CCDC148: variants seen among roughly 807,000 people sequenced by gnomAD.
CCDC148 encodes the protein coiled-coil domain containing 148.
A neutral mutation model predicts 85.7 loss-of-function variants in CCDC148; 89 were observed. That is an observed-to-expected ratio of 1.04 (90% CI 0.87 to 1.24). The LOEUF (loss-of-function observed/expected upper bound fraction) is 1.24. Ranked by LOEUF, CCDC148 falls within the 50% of genes most tolerant of loss-of-function variation. The probability of loss-of-function intolerance (pLI) is 0.00; values close to 1 mark genes in which losing one functional copy is unlikely to be tolerated. For missense variants in CCDC148, 692 were observed against 671.7 expected (o/e 1.03, Z -0.33); for synonymous variants, 230 against 213.9 (o/e 1.08, Z -0.66).
At chr2:158,304,782 G>C (rs1691605024) in intron 9 of CCDC148, among the ~76,000 whole-genome samples, 1 of 152,140 alleles carries the variant, frequency 6.6e-6, no homozygotes, top group South Asian at 2.1e-4. Context: ...GAAATTTAAG[G>C]AAAGACAGAT....
chr2:158,434,706 T>G (rs1687552886), intron 1 of CCDC148, among the ~76,000 whole-genome samples: 1 of 146,354 alleles, frequency 6.8e-6, no homozygotes, highest in African/African-American at 2.5e-5. Flanking sequence ...TTGAACCCAC[T>G]GCAAAGAAGC....
intron 1 of CCDC148, among the ~76,000 whole-genome samples, chr2:158,423,827 G>T (rs1686931252): frequency 6.6e-6 from 1 of 151,780 alleles, no homozygotes; most frequent in Admixed American, 6.6e-5. Context: ...TCTGACAAAG[G>T]GCTAATATCC....
At chr2:158,229,333 ACTTTT>A (rs1371350285) in intron 10 of CCDC148, among the ~76,000 whole-genome samples, 8 of 152,126 alleles carry the variant, frequency 5.3e-5, no homozygotes, top group African/African-American at 1.7e-4. Flanking sequence ...TAATTAATAT[ACTTTT>A]CTTCTGTCCC....
At chr2:158,203,697 T>TA (rs1686085594) in intron 11 of CCDC148, among the ~76,000 whole-genome samples, 1 of 151,644 alleles carries the variant, frequency 6.6e-6, no homozygotes, top group South Asian at 2.1e-4. Context: ...ATAAAGGAAT[T>TA]AAAAAAAGGA....
intron 1 of CCDC148, among the ~76,000 whole-genome samples, chr2:158,430,227 C>CA (rs1395386750): frequency 6.6e-6 from 1 of 152,136 alleles, no homozygotes; most frequent in Non-Finnish European, 1.5e-5. Flanking sequence ...GTAGGGACCT[C>CA]AGGAGCCTTA....
Position 158,268,464 on chromosome 2 carries a change from T to A in CCDC148, c.1111-17552A>T, listed in dbSNP as rs75118805. Among the ~76,000 whole-genome samples the A allele has an allele frequency of 3.7e-3, 558 of 152,274 alleles. 4 individuals are homozygous for A. The highest frequency in any genetic ancestry group is 0.013 in the African/African-American group (521 of 41,564). On this transcript the variant is annotated intron_variant, in intron 9 of 13. Transcript: ENST00000283233. ...AAAATTTTCCAGATTTATTGAGGTA[T>A]AATTGACAAACAAAATTATATTAAG...
At chr2:158,260,575 C>T (rs1387702319) in intron 9 of CCDC148, among the ~76,000 whole-genome samples, 8 of 151,874 alleles carry the variant, frequency 5.3e-5, no homozygotes, top group Non-Finnish European at 8.8e-5. Flanking sequence ...TCGAATTACC[C>T]CTGCTTGCAG....
chr2:158,357,354 TAATA>T (rs1385384404), intron 2 of CCDC148, among the ~76,000 whole-genome samples: 3 of 152,038 alleles, frequency 2.0e-5, no homozygotes. Flanking sequence ...AGTAGGCACA[TAATA>T]AATATTTATG....
Position 158,425,356 on chromosome 2 carries a change from C to A in CCDC148, c.25+31059G>T, listed in dbSNP as rs1687026500. ...GATGATGCTAAAATAACCCATCTTG[C>A]AGGATGACATTGAAGACTGGTCTTT... On this transcript the variant is annotated intron_variant, in intron 1 of 13. Transcript: ENST00000283233. 2.1e-5 allele frequency: 10 copies of A among 485,174 alleles called. 1 individual carries two copies. The highest frequency in any genetic ancestry group is 1.6e-4 in the South Asian group (10 of 61,672). 30.1% of individuals were successfully genotyped at this position (485,174 alleles called of 1,614,324 possible).
At chr2:158,410,641 C>T (rs1294137993) in intron 1 of CCDC148, among the ~76,000 whole-genome samples, 1 of 152,092 alleles carries the variant, frequency 6.6e-6, no homozygotes, top group Non-Finnish European at 1.5e-5. Context: ...TATCACCCCT[C>T]ACATACACAC....
intron 1 of CCDC148, among the ~76,000 whole-genome samples, chr2:158,392,099 A>C (rs1264681921): frequency 6.6e-6 from 1 of 152,110 alleles, no homozygotes; most frequent in Non-Finnish European, 1.5e-5. Context: ...CCTGCATCTG[A>C]GTCATCAGGT....
chr2:158,439,624 A>C (rs1323222000), intron 1 of CCDC148, among the ~76,000 whole-genome samples: 1 of 152,156 alleles, frequency 6.6e-6, no homozygotes, highest in Non-Finnish European at 1.5e-5. Context: ...TTAAAGTATA[A>C]AAAGAAAAAA....
At chr2:158,402,658 A>G (rs1455445169) in intron 1 of CCDC148, among the ~76,000 whole-genome samples, 3 of 152,086 alleles carry the variant, frequency 2.0e-5, no homozygotes, top group Admixed American at 1.3e-4. Flanking sequence ...TAACAGATAT[A>G]TTAATCCTAT....
intron 9 of CCDC148, among the ~76,000 whole-genome samples, chr2:158,272,117 T>C (rs1185399243): frequency 6.6e-6 from 1 of 152,182 alleles, no homozygotes; most frequent in African/African-American, 2.4e-5. Context: ...AGTTAGCTCT[T>C]AGATGACATG....
At chr2:158,332,537 G>C (rs796487844) in intron 7 of CCDC148, among the ~76,000 whole-genome samples, 2 of 147,954 alleles carry the variant, frequency 1.4e-5, no homozygotes, top group Non-Finnish European at 3.0e-5. Context: ...TCAGGATGAT[G>C]CTGGCCTTAT....
chr2:158,209,327 T>C (rs1383125305), intron 11 of CCDC148, among the ~76,000 whole-genome samples: 1 of 152,182 alleles, frequency 6.6e-6, no homozygotes, highest in Non-Finnish European at 1.5e-5. Flanking sequence ...TGCAGCTTTA[T>C]AAAATCTTTG....
At position 158,227,432 on chromosome 2, in the gene CCDC148, T is replaced by C. The variant is rs929809052; in HGVS notation, c.1252-6719A>G. Among the ~76,000 whole-genome samples, 189 of 152,250 alleles carry C rather than the reference T, an allele frequency of 1.2e-3. 1 individual carries two copies. The highest frequency in any genetic ancestry group is 3.9e-3 in the Admixed American group (59 of 15,286). On this transcript the variant is annotated intron_variant, in intron 10 of 13. Coordinates refer to ENST00000283233, the MANE Select transcript of CCDC148 (RefSeq NM_138803.4). Reference sequence around the variant, plus strand: ...ATCCCCATCAAGCTACCAATGACTTTCTTCACAGAATTGGAAAAAACTACT... The same window carrying C: ...ATCCCCATCAAGCTACCAATGACTTCCTTCACAGAATTGGAAAAAACTACT...
chr2:158,326,096 T>C (rs916792363), intron 7 of CCDC148, among the ~76,000 whole-genome samples: 2 of 152,174 alleles, frequency 1.3e-5, no homozygotes, highest in African/African-American at 4.8e-5. Context: ...AGGCTCTAAA[T>C]GTCCTGCCCC....
intron 1 of CCDC148, among the ~76,000 whole-genome samples, chr2:158,432,691 C>T (rs1365465614): frequency 1.3e-5 from 2 of 152,056 alleles, no homozygotes; most frequent in East Asian, 3.9e-4. Context: ...CCAATACAAA[C>T]TCTTTCAGAA....
Sources: allele counts gnomAD v4.1 joint callset (sites outside exome capture counted in the v4.1 genomes callset), GRCh38; gene constraint gnomAD v4.1.1; transcripts MANE v1.5; gene names NCBI Gene and HGNC (gene_info 2026-07-23, HGNC 2026-07-21).